CELF4: variants seen among roughly 807,000 people sequenced by gnomAD.
CELF4 encodes CUG-BP- and ETR-3-like factor 4.
In CELF4, 18 loss-of-function variants were observed where a neutral mutation model predicts 59.9. The ratio of observed to expected loss-of-function variants is 0.30; its 90% CI spans 0.21 to 0.45. The LOEUF is 0.45. Ranked by LOEUF, CELF4 falls within the 20% of genes least tolerant of loss-of-function variation. CELF4 has a pLI of 1.00. For missense variants in CELF4, 456 were observed against 689.0 expected, an observed-to-expected ratio of 0.66 and a Z score of 3.79; for synonymous variants, 261 against 267.1, an observed-to-expected ratio of 0.98 and a Z score of 0.22.
chr18:37,256,827 T>C (rs2069889077), intron 11 of CELF4, among the ~76,000 whole-genome samples: 1 of 152,166 alleles, frequency 6.6e-6, no homozygotes, highest in African/African-American at 2.4e-5. Context: ...TCAAGTGATC[T>C]GCCCGCCTCA....
At position 37,565,107 on chromosome 18, in the gene CELF4, T is replaced by C. The variant is rs138990370; in HGVS notation, c.286+249A>G. Among the ~76,000 whole-genome samples, 331 of 152,182 alleles carry C rather than the reference T, an allele frequency of 2.2e-3. 1 individual carries two copies. The highest frequency in any genetic ancestry group is 7.6e-3 in the African/African-American group (317 of 41,522). ...TCCTCGATCCCCTCTCTCTTTCTCT[T>C]CATCGGCGCCCGCTGCTCTCTCCAT... On this transcript the variant is annotated intron_variant, in intron 1 of 12. Coordinates refer to ENST00000420428, the MANE Select transcript of CELF4 (RefSeq NM_020180.4).
intron 1 of CELF4, among the ~76,000 whole-genome samples, chr18:37,525,565 GA>G (rs927702409): frequency 3.9e-4 from 49 of 124,592 alleles, no homozygotes; most frequent in African/African-American, 1.4e-3. Context: ...ATTTCTCGGG[GA>G]CAATCTTCTG....
chr18:37,479,877 G>T (rs1411114694), intron 2 of CELF4, among the ~76,000 whole-genome samples: 3 of 152,192 alleles, frequency 2.0e-5, no homozygotes, highest in Non-Finnish European at 2.9e-5. Context: ...CGATATGACT[G>T]CTGTCTTCAT....
intron 2 of CELF4, among the ~76,000 whole-genome samples, chr18:37,364,913 C>T (rs1455673857): frequency 4.6e-5 from 7 of 152,010 alleles, no homozygotes; most frequent in African/African-American, 1.2e-4. Context: ...GGGCAGACAA[C>T]GGGTGCTAGA....
At chr18:37,466,959 G>A (rs548549414) in intron 2 of CELF4, among the ~76,000 whole-genome samples, 5 of 152,262 alleles carry the variant, frequency 3.3e-5, no homozygotes, top group African/African-American at 9.6e-5. Flanking sequence ...ACATGCTCAC[G>A]GGTGGGGGAG....
At chr18:37,498,480 C>T (rs2099927727) in intron 1 of CELF4, among the ~76,000 whole-genome samples, 1 of 137,456 alleles carries the variant, frequency 7.3e-6, no homozygotes. Flanking sequence ...TTTTCTCTTT[C>T]TTCTTTATGT....
intron 2 of CELF4, among the ~76,000 whole-genome samples, chr18:37,404,896 C>T (rs1330483405): frequency 1.3e-5 from 2 of 152,216 alleles, no homozygotes; most frequent in Admixed American, 1.3e-4. Flanking sequence ...GCATGCTTTT[C>T]CTTGCCTCAG....
chr18:37,338,563 C>A (rs1262348622), intron 2 of CELF4, among the ~76,000 whole-genome samples: 4 of 152,130 alleles, frequency 2.6e-5, no homozygotes, highest in African/African-American at 9.7e-5. Context: ...TGGAGTGGAG[C>A]CTTCTAGGGG....
chr18:37,467,288 A>ACTTTC (rs2099811418), intron 2 of CELF4, among the ~76,000 whole-genome samples: 1 of 152,152 alleles, frequency 6.6e-6, no homozygotes, highest in African/African-American at 2.4e-5. Context: ...GTTAGCAGGC[A>ACTTTC]CTTTCTCTGC....
chr18:37,467,509 G>T (rs1441022121), intron 2 of CELF4, among the ~76,000 whole-genome samples: 1 of 152,156 alleles, frequency 6.6e-6, no homozygotes, highest in Non-Finnish European at 1.5e-5. Context: ...CAATGGCCAC[G>T]TGGACCAGGC....
chr18:37,278,783 T>A (rs990093328), intron 3 of CELF4, among the ~76,000 whole-genome samples: 1 of 152,106 alleles, frequency 6.6e-6, no homozygotes, highest in African/African-American at 2.4e-5. Context: ...AGGAGCCACA[T>A]CTTATGATGG....
At chr18:37,384,170 G>A (rs1315268230) in intron 2 of CELF4, among the ~76,000 whole-genome samples, 2 of 152,148 alleles carry the variant, frequency 1.3e-5, no homozygotes, top group African/African-American at 4.8e-5. Context: ...TAGTGGGAGG[G>A]GGACAAATTT....
At chr18:37,481,873 A>C (rs992588058) in intron 2 of CELF4, among the ~76,000 whole-genome samples, 1 of 152,184 alleles carries the variant, frequency 6.6e-6, no homozygotes, top group East Asian at 1.9e-4. Context: ...TGGCTCGGCC[A>C]CTTATCAATT....
chr18:37,530,751 G>A (rs923402213), intron 1 of CELF4, among the ~76,000 whole-genome samples: 7 of 152,080 alleles, frequency 4.6e-5, no homozygotes, highest in African/African-American at 1.2e-4. Context: ...ACGCCCGTGC[G>A]GCTCTGTCCT....
chr18:37,470,887 T>TGA (rs1557426553), intron 2 of CELF4, among the ~76,000 whole-genome samples: 4 of 71,924 alleles, frequency 5.6e-5, no homozygotes, highest in African/African-American at 1.1e-4. Context: ...TGTGTGTGTG[T>TGA]GACAGAGAGA....
At chr18:37,284,024 A>ATATACCCCAACATACACACACACC (rs2094482236) in intron 3 of CELF4, among the ~76,000 whole-genome samples, 2 of 4,204 alleles carry the variant, frequency 4.8e-4, no homozygotes, top group African/African-American at 1.0e-3. Context: ...ATGCACACAC[A>ATATACCCCAACATACACACACACC]CCCAACACAC....
intron 1 of CELF4, among the ~76,000 whole-genome samples, chr18:37,513,400 T>A (rs1408535665): frequency 1.3e-5 from 2 of 152,162 alleles, no homozygotes; most frequent in African/African-American, 2.4e-5. Context: ...AAAGCCTCAT[T>A]CTTACAGGCT....
intron 1 of CELF4, among the ~76,000 whole-genome samples, chr18:37,490,035 G>A (rs766616128): frequency 4.6e-5 from 7 of 152,170 alleles, no homozygotes; most frequent in African/African-American, 7.2e-5. Flanking sequence ...CCTTAGGACA[G>A]GAATGCTTTC....
At chr18:37,307,048 G>A (rs1172954889) in intron 3 of CELF4, among the ~76,000 whole-genome samples, 1 of 128,742 alleles carries the variant, frequency 7.8e-6, no homozygotes, top group Non-Finnish European at 1.7e-5. Context: ...AGAAGGCTTG[G>A]GTGAGACAGA....
Sources: gnomAD v4.1 joint callset for allele counts (sites outside exome capture counted in the v4.1 genomes callset) on GRCh38, gnomAD v4.1.1 for gene constraint, MANE v1.5 for transcripts, NCBI Gene and HGNC (gene_info 2026-07-23, HGNC 2026-07-21) for gene names.